The following PFKL variants were observed in gnomAD, a reference collection of about 807,000 sequenced individuals.
The protein encoded by PFKL is phosphofructokinase, liver type.
Under a neutral mutation model 92.1 loss-of-function variants are expected in PFKL, and 74 were observed. That is an observed-to-expected ratio of 0.80 (90% CI 0.67 to 0.97). The LOEUF is 0.97. PFKL is among the 50% of genes least tolerant of loss of function. The pLI, the probability that PFKL is intolerant of heterozygous loss-of-function variation, is 0.00. For missense variants in PFKL, 1,028 were observed against 1,116.6 expected (o/e 0.92, Z 1.13); for synonymous variants, 494 against 456.4 (o/e 1.08, Z -1.05).
chr21:44,319,471 C>A (rs1440035758), intron 11 of PFKL, 56 bp downstream of exon 11: 2 of 1,440,046 alleles, frequency 1.4e-6, no homozygotes, highest in Non-Finnish European at 2.0e-6. Context: ...CGGTGCCAGG[C>A]AGCATGTGCT....
intron 15 of PFKL, among the ~76,000 whole-genome samples, chr21:44,323,331 C>A (rs1046997103): frequency 6.6e-6 from 1 of 152,116 alleles, no homozygotes; most frequent in African/African-American, 2.4e-5. Context: ...AACCCCAGTG[C>A]TGGGGAGGGG....
At chr21:44,300,295 G>GCCCGGCCTCCCGC (rs552536568) in intron 1 of PFKL, 105 bp downstream of exon 1, 45 of 418,824 alleles carry the variant, frequency 1.1e-4, no homozygotes, top group East Asian at 8.2e-4. Context: ...TCTCGGGCCG[G>GCCCGGCCTCCCGC]CCCGGCCTCC....
chr21:44,326,715 G>T lies in PFKL; in HGVS notation c.2196G>T (p.Glu732Asp). 4 of 1,611,620 alleles carry T rather than the reference G, an allele frequency of 2.5e-6. No homozygotes were observed. Among genetic ancestry groups the T allele is most frequent in the Non-Finnish European group, 3.4e-6 (4 of 1,179,412 alleles). ...ATCCTCCCATCCCCGTCCTGCACAG[G>T]CACCGCATGCCACGGGAGCAGTGGT... is the stretch of plus-strand genomic sequence containing the variant. Reference protein sequence around the residue: ...VTELKKDTDFEHRMPREQWWL... With the variant: ...VTELKKDTDFDHRMPREQWWL... Residue 732 changes from glutamate (E) to aspartate (D), a missense_variant and splice_region_variant, in exon 22 of 22, where the codon GAG (glutamate) becomes GAT (aspartate). By Grantham distance (45) the Glu-to-Asp change is conservative. Transcript: ENST00000349048.
chr21:44,325,747 G>A (rs1197080909), intron 19 of PFKL: 7 of 570,310 alleles, frequency 1.2e-5, no homozygotes, highest in Admixed American at 3.1e-5. Flanking sequence ...GCCGACTGCC[G>A]GCCTCGGGAG....
rs568911482 is a variant in PFKL at position 44,300,174 on chromosome 21, C to A, written c.69C>A (p.Ser23Arg). Residue 23 changes from serine (S) to arginine (R), a missense_variant, in exon 1 of 22, where the codon AGC (serine) becomes AGA (arginine). Transcript: ENST00000349048. ...GCAAGGCCATCGGCGTCCTGACCAG[C>A]GGCGGCGACGCGCAAGGTGGGCGGG... ...GAGKAIGVLT[S>R]GGDAQGMNAA... 3 of 1,154,012 alleles carry A rather than the reference C, an allele frequency of 2.6e-6. No individual in the cohort carries two copies. Among genetic ancestry groups the A allele is most frequent in the Non-Finnish European group, 3.2e-6 (3 of 929,056 alleles). The allele number at this position is 1,154,012 out of a possible 1,614,324, so 71.5% of individuals were successfully genotyped here.
chr21:44,325,143 C>T lies in PFKL; in HGVS notation c.1878-10C>T, dbSNP rs372044775. On this transcript the variant is annotated splice_polypyrimidine_tract_variant and intron_variant, in intron 18 of 21. Transcript: ENST00000349048. ...GTTCCCGCCGACTCAGGCCCTGCTG[C>T]CCCTCTCAGGAACGAGAAGTGCCAT... The T allele has an allele frequency of 1.3e-4, 200 of 1,576,428 alleles. 1 individual carries two copies. The African/African-American group carries it at 2.4e-3, about 19-fold the overall frequency.
intron 2 of PFKL, among the ~76,000 whole-genome samples, chr21:44,309,890 C>T (rs1017068973): frequency 3.3e-5 from 5 of 152,214 alleles, no homozygotes; most frequent in East Asian, 1.9e-4. Context: ...GCTAGAAGCC[C>T]GCCATGGCCA....
intron 7 of PFKL, chr21:44,315,887 C>A: frequency 6.0e-6 from 2 of 333,086 alleles, no homozygotes; most frequent in South Asian, 5.6e-5. Context: ...CCCCGTGGAG[C>A]TGCAGCCCTG....
At chr21:44,305,749 T>C in intron 1 of PFKL, 1 of 1,357,826 alleles carries the variant, frequency 7.4e-7, no homozygotes. Context: ...TGGGGTACAT[T>C]AGCACCAGCG....
rs564385079 is a variant in PFKL, at chr21:44,315,933, AGGGCCCAGCCCCAGCTGTGTGTGTGCT to A, written c.748-298_748-272del. 1.9e-3 allele frequency: 789 copies of A among 412,218 alleles called. 7 individuals carry two copies. Among genetic ancestry groups the A allele is most frequent in the African/African-American group, 0.015 (730 of 49,464 alleles). The allele number at this position is 412,218 out of a possible 1,614,324, so 25.5% of individuals were successfully genotyped here. A position where few individuals can be genotyped will look rare whatever the true frequency, so the allele number is the denominator to read the frequency against. ...CGCCTGGAAGGCTTCACCAGACACA[AGGGCCCAGCCCCAGCTGTGTGTGTGCT>A]GGGCCCAGCCCCGAGGGCCCCCTTC... On this transcript the variant is annotated intron_variant, in intron 7 of 21. Coordinates refer to ENST00000349048, the MANE Select transcript of PFKL (RefSeq NM_002626.6).
At position 44,312,180 on chromosome 21, in the gene PFKL, C is replaced by G. The variant is rs956179382; in HGVS notation, c.313C>G (p.Leu105Val). Reference sequence around the variant, plus strand: ...GGGGCGCCGGGCAGCGGCCTACAACCTGGTCCAGCACGGCATCACCAACCT... The same window carrying G: ...GGGGCGCCGGGCAGCGGCCTACAACGTGGTCCAGCACGGCATCACCAACCT... Reference protein sequence around the residue: ...REGRRAAAYNLVQHGITNLCV... With the variant: ...REGRRAAAYNVVQHGITNLCV... Residue 105 changes from leucine to valine, a missense_variant, in exon 4 of 22, where the codon CTG (leucine) becomes GTG (valine). Leu to Val is a conservative substitution (Grantham distance 32). Transcript: ENST00000349048. 1.2e-6 allele frequency: 2 copies of G among 1,603,138 alleles called. No individual in the cohort carries two copies. The highest frequency in any genetic ancestry group is 1.7e-6 in the Non-Finnish European group (2 of 1,175,648).
In PFKL at chr21:44,313,093, C is replaced by T; in HGVS notation, c.543C>T (p.Ala181=). The change falls in exon 5 of 22, where the codon GCC becomes GCT. Residue 181 remains alanine (A), a synonymous_variant. Transcript: ENST00000349048. The part of the protein sequence containing the change: ...GTDMTIGTDS[A]LHRIMEVIDA... ...ACATGACCATCGGCACGGACTCGGC[C>T]CTCCACCGCATCATGGAGGTCATCG... 3 of 1,613,092 alleles carry T rather than the reference C, an allele frequency of 1.9e-6. No homozygotes were observed. The highest frequency in any genetic ancestry group is 2.5e-6 in the Non-Finnish European group (3 of 1,179,936).
intron 7 of PFKL, chr21:44,314,668 G>C (rs1473991118): frequency 6.5e-6 from 1 of 153,150 alleles, no homozygotes; most frequent in Non-Finnish European, 1.5e-5. Flanking sequence ...CCTTGGGGTG[G>C]AGTTGGGGGC....
At chr21:44,323,094 C>T (rs1225680810) in intron 15 of PFKL, 45 bp downstream of exon 15, 3 of 1,480,616 alleles carry the variant, frequency 2.0e-6, no homozygotes, top group South Asian at 2.3e-5. Flanking sequence ...CACAGGAGAC[C>T]CAAGGTGTCC....
intron 3 of PFKL, among the ~76,000 whole-genome samples, chr21:44,311,423 C>T (rs1404113417): frequency 5.3e-5 from 8 of 152,082 alleles, no homozygotes; most frequent in Non-Finnish European, 2.9e-5. Flanking sequence ...GACAGATACA[C>T]ATGGATAGAC....
chr21:44,307,423 C>T, intron 2 of PFKL: 1 of 491,822 alleles, frequency 2.0e-6, no homozygotes, highest in African/African-American at 2.1e-5. Flanking sequence ...TGCATTCTTG[C>T]CTTGTCAGGT....
chr21:44,304,149 GT>G, intron 1 of PFKL: 1 of 1,245,900 alleles, frequency 8.0e-7, no homozygotes, highest in Non-Finnish European at 1.0e-6. Flanking sequence ...ACAAAGCTGG[GT>G]TTTGGCAGCT....
chr21:44,306,616 T>TAGG (rs1555875629), intron 1 of PFKL, 65 bp from the exon 2 acceptor site: 3 of 1,393,582 alleles, frequency 2.2e-6, no homozygotes, highest in South Asian at 2.4e-5. Flanking sequence ...TCCTCTGAGA[T>TAGG]GGGGAGGGTG....
intron 1 of PFKL, chr21:44,304,593 A>C: frequency 9.9e-7 from 1 of 1,008,448 alleles, no homozygotes; most frequent in Non-Finnish European, 1.2e-6. Context: ...AGGGCGCTGC[A>C]CTCACAGCAC....
Sources: allele counts gnomAD v4.1 joint callset (sites outside exome capture counted in the v4.1 genomes callset), GRCh38; gene constraint gnomAD v4.1.1; transcripts MANE v1.5; gene names NCBI Gene and HGNC (gene_info 2026-07-23, HGNC 2026-07-21).